The following MLIP variants were observed in gnomAD, a reference collection of about 807,000 sequenced individuals.
MLIP encodes muscular LMNA-interacting protein.
MLIP carries 79 observed loss-of-function variants against 84.8 expected under a neutral mutation model. That is an observed-to-expected ratio of 0.93 (90% CI 0.78 to 1.12). MLIP has a LOEUF of 1.12. Ranked by LOEUF, MLIP falls within the 50% of genes most tolerant of loss-of-function variation. The pLI is 0.00. For synonymous variants in MLIP, 504 were observed against 463.0 expected (o/e 1.09, Z -1.14); for missense variants, 1,257 against 1,160.6 (o/e 1.08, Z -1.21).
chr6:54,150,051 C>T (rs547718959), intron 5 of MLIP, among the ~76,000 whole-genome samples: 2 of 152,088 alleles, frequency 1.3e-5, no homozygotes, highest in Admixed American at 6.6e-5. Context: ...ACGTTGTTTG[C>T]CAACCAGGTG....
intron 5 of MLIP, among the ~76,000 whole-genome samples, chr6:54,158,885 T>A (rs1402636431): frequency 7.0e-6 from 1 of 143,524 alleles, no homozygotes; most frequent in Non-Finnish European, 1.6e-5. Context: ...AAAAAAAAAT[T>A]TTCAAAGGGA....
At chr6:54,038,389 C>G (rs1472735021) in intron 1 of MLIP, among the ~76,000 whole-genome samples, 2 of 151,874 alleles carry the variant, frequency 1.3e-5, no homozygotes, top group African/African-American at 4.8e-5. Flanking sequence ...CGAGGTTTTA[C>G]TCACTCGAGT....
intron 1 of MLIP, among the ~76,000 whole-genome samples, chr6:54,090,631 A>G (rs1438822285): frequency 2.0e-5 from 3 of 151,230 alleles, no homozygotes; most frequent in Non-Finnish European, 4.4e-5. Flanking sequence ...CATTCTATCT[A>G]TGTTAAGTAT....
rs9395913 is a variant in MLIP at position 54,207,388 on chromosome 6, C to G, written c.2718+5155C>G. Among the ~76,000 whole-genome samples, 382 of 150,330 alleles carry G rather than the reference C, an allele frequency of 2.5e-3. 6 individuals carry two copies. Among genetic ancestry groups the G allele is most frequent in the Admixed American group, 0.015 (221 of 15,026 alleles). On this transcript the variant is annotated intron_variant, in intron 11 of 13. Coordinates refer to ENST00000502396, the MANE Select transcript of MLIP (RefSeq NM_001281747.2). ...TTAGATAGGCTCACTTCTTCATACA[C>G]AGAATTTCCATCACCTCTGCACCCC...
At chr6:54,073,420 A>G (rs889503623) in intron 1 of MLIP, among the ~76,000 whole-genome samples, 1 of 152,232 alleles carries the variant, frequency 6.6e-6, no homozygotes, top group African/African-American at 2.4e-5. Context: ...ACAACAACAA[A>G]GTATTTTGCA....
chr6:54,204,336 G>C (rs1778896840), intron 11 of MLIP, among the ~76,000 whole-genome samples: 1 of 152,100 alleles, frequency 6.6e-6, no homozygotes, highest in Non-Finnish European at 1.5e-5. Context: ...ATTAACAAAA[G>C]CACTTATGAA....
intron 9 of MLIP, among the ~76,000 whole-genome samples, chr6:54,177,496 C>A (rs1324425103): frequency 6.6e-6 from 1 of 152,102 alleles, no homozygotes. Flanking sequence ...CAATGAGATA[C>A]CATCTCACAC....
chr6:54,176,099 T>C (rs1466859435), intron 9 of MLIP, among the ~76,000 whole-genome samples: 3 of 152,054 alleles, frequency 2.0e-5, no homozygotes, highest in African/African-American at 4.8e-5. Flanking sequence ...TGATGAAGGA[T>C]CTTTTTAATG....
At chr6:54,161,048 C>T (rs1016216754) in intron 8 of MLIP, among the ~76,000 whole-genome samples, 5 of 151,676 alleles carry the variant, frequency 3.3e-5, no homozygotes, top group African/African-American at 1.2e-4. Context: ...AAAGTAAAAT[C>T]TATTTCTGTG....
intron 11 of MLIP, among the ~76,000 whole-genome samples, chr6:54,228,108 C>T (rs1320306599): frequency 1.3e-4 from 9 of 66,738 alleles, no homozygotes; most frequent in African/African-American, 2.8e-4. Context: ...GCATGAACCC[C>T]GGAGGCGGAG....
intron 11 of MLIP, among the ~76,000 whole-genome samples, chr6:54,209,901 CTT>C (rs35868308): frequency 2.8e-5 from 4 of 142,962 alleles, no homozygotes; most frequent in Admixed American, 7.0e-5. Context: ...TTTTTTCTTT[CTT>C]TTTTTTTTTT....
chr6:54,035,122 T>C (rs1327335634), intron 1 of MLIP, among the ~76,000 whole-genome samples: 1 of 152,182 alleles, frequency 6.6e-6, no homozygotes. Context: ...TTATACCATC[T>C]CAGTTTGTGT....
chr6:54,174,563 A>C (rs1260215888), intron 9 of MLIP, among the ~76,000 whole-genome samples: 1 of 151,936 alleles, frequency 6.6e-6, no homozygotes, highest in African/African-American at 2.4e-5. Flanking sequence ...AGAAATATCT[A>C]TTGAAATCTT....
intron 10 of MLIP, among the ~76,000 whole-genome samples, chr6:54,191,661 G>A (rs986036577): frequency 6.6e-6 from 1 of 152,218 alleles, no homozygotes; most frequent in Non-Finnish European, 1.5e-5. Flanking sequence ...TTCCAGGGCT[G>A]TGAATCTATG....
chr6:54,183,613 A>G (rs1483420129), intron 9 of MLIP, among the ~76,000 whole-genome samples: 1 of 145,270 alleles, frequency 6.9e-6, no homozygotes, highest in Non-Finnish European at 1.5e-5. Context: ...ATGACAAGTT[A>G]GAATCATCAT....
chr6:54,080,272 C>A (rs1444302823), intron 1 of MLIP, among the ~76,000 whole-genome samples: 1 of 152,040 alleles, frequency 6.6e-6, no homozygotes. Flanking sequence ...TTGTTTAACC[C>A]CCTCTGCCAT....
At chr6:54,254,272 G>A (rs965464274) in intron 12 of MLIP, among the ~76,000 whole-genome samples, 2 of 151,284 alleles carry the variant, frequency 1.3e-5, no homozygotes, top group Admixed American at 6.6e-5. Flanking sequence ...GACTGCAGAC[G>A]CACACCACCA....
intron 9 of MLIP, among the ~76,000 whole-genome samples, chr6:54,174,085 T>G (rs552783392): frequency 1.7e-4 from 26 of 152,156 alleles, no homozygotes; most frequent in African/African-American, 6.0e-4. Context: ...TTATAAAGGC[T>G]GAATAGTACT....
chr6:54,100,939 TC>T (rs1386507676), intron 1 of MLIP, among the ~76,000 whole-genome samples: 2 of 152,138 alleles, frequency 1.3e-5, no homozygotes, highest in Non-Finnish European at 2.9e-5. Flanking sequence ...GAAAAGACCA[TC>T]CCAGTGTAAT....
Sources: gnomAD v4.1 joint callset for allele counts (sites outside exome capture counted in the v4.1 genomes callset) on GRCh38, gnomAD v4.1.1 for gene constraint, MANE v1.5 for transcripts, NCBI Gene and HGNC (gene_info 2026-07-23, HGNC 2026-07-21) for gene names.